SERPINB6: variants seen among roughly 807,000 people sequenced by gnomAD.
SERPINB6 encodes the protein serpin B6.
Under a neutral mutation model 26.1 loss-of-function variants are expected in SERPINB6, and 16 were observed. That is an observed-to-expected ratio of 0.61 (90% CI 0.42 to 0.93). The LOEUF is 0.93. Among genes scored for constraint, SERPINB6 ranks in the 40% least tolerant of loss-of-function variants. The pLI, the probability that SERPINB6 is intolerant of heterozygous loss-of-function variation, is 0.00. For missense variants in SERPINB6, 420 were observed against 478.0 expected (o/e 0.88, Z 1.13); for synonymous variants, 174 against 176.6 (o/e 0.99, Z 0.11).
At position 2,959,246 on chromosome 6, in the gene SERPINB6, G is replaced by T; in HGVS notation, c.87C>A (p.Phe29Leu). Residue 29 changes from phenylalanine to leucine, a missense_variant, in exon 2 of 7, where the codon TTC (phenylalanine) becomes TTA (leucine). By Grantham distance (22) the Phe-to-Leu change is conservative. Coordinates refer to ENST00000380539, the MANE Select transcript of SERPINB6 (RefSeq NM_004568.6). Reference protein sequence around the residue: ...LGKDNSKNVFFSPMSMSCALA... With the variant: ...LGKDNSKNVFLSPMSMSCALA... ...GGGCACAGGACATGCTCATGGGTGAGAAAAACACATTCTTCGAGTTGTCTT... is the reference window on the plus strand; with the variant it reads ...GGGCACAGGACATGCTCATGGGTGATAAAAACACATTCTTCGAGTTGTCTT... 1 of 1,614,168 alleles carries T rather than the reference G, an allele frequency of 6.2e-7. No individual in the cohort carries two copies. The highest frequency in any genetic ancestry group is 2.2e-5 in the East Asian group (1 of 44,888).
At chr6:2,955,342 C>G in intron 3 of SERPINB6, 182 bp downstream of exon 3, 1 of 682,394 alleles carries the variant, frequency 1.5e-6, no homozygotes, top group Non-Finnish European at 2.5e-6. Context: ...ACTTCAAAAG[C>G]GTGAAGTAGA....
intron 1 of SERPINB6, chr6:2,971,140 C>T: frequency 9.8e-7 from 1 of 1,025,214 alleles, no homozygotes; most frequent in Non-Finnish European, 1.2e-6. Context: ...GGCTCTGCGC[C>T]GCCCCCATCC....
chr6:2,948,742 T>C lies in SERPINB6; in HGVS notation c.730-43A>G. 6.3e-7 allele frequency: 1 copy of C among 1,598,342 alleles called. No individual in the cohort carries two copies. Among genetic ancestry groups the C allele is most frequent in the Non-Finnish European group, 8.6e-7 (1 of 1,166,114 alleles). On this transcript the variant is annotated intron_variant, in intron 6 of 6. Coordinates refer to ENST00000380539, the MANE Select transcript of SERPINB6 (RefSeq NM_004568.6). This position sits in a 1 kb window ranked among gnomAD's most constrained non-coding sequence, Gnocchi z 5.0. Reference sequence around the variant, plus strand: ...AAGACTTTAAGACCCAGGGTGCTGCTGCCCAGCAGGGCCCTGTGCTATGCT... The same window carrying C: ...AAGACTTTAAGACCCAGGGTGCTGCCGCCCAGCAGGGCCCTGTGCTATGCT...
chr6:2,953,866 T>TA (rs1053273642), intron 4 of SERPINB6, among the ~76,000 whole-genome samples: 3 of 151,542 alleles, frequency 2.0e-5, no homozygotes, highest in Non-Finnish European at 4.4e-5. Flanking sequence ...CTGTCTCTAC[T>TA]AAAAAATACA....
rs142051846 is a variant in SERPINB6 at position 2,963,067 on chromosome 6, A to G, written c.-10-3725T>C. Among the ~76,000 whole-genome samples the G allele has an allele frequency of 2.8e-3, 424 of 152,356 alleles. 3 individuals are homozygous for G. Among genetic ancestry groups the G allele is most frequent in the African/African-American group, 9.2e-3 (383 of 41,580 alleles). The stretch of plus-strand genomic sequence containing the variant: ...GGAGACAAAATGAGCACAGTTAGCA[A>G]ACAATTTGATGGTCTACCCAAAAAG... On this transcript the variant is annotated intron_variant, in intron 1 of 6. Transcript: ENST00000380539.
intron 4 of SERPINB6, 22 bp from the exon 5 acceptor site, chr6:2,953,208 C>A (rs773102062): frequency 3.7e-6 from 6 of 1,614,054 alleles, no homozygotes; most frequent in Non-Finnish European, 4.2e-6. Context: ...AATTCAAGAC[C>A]GCATTAGATA....
At chr6:2,955,802 C>T (rs574271638) in intron 2 of SERPINB6, 132 bp from the exon 3 acceptor site, 68 of 1,003,320 alleles carry the variant, frequency 6.8e-5, no homozygotes, top group African/African-American at 9.6e-5. Context: ...CGAGGCTGGG[C>T]GCAGCAGCTC....
Position 2,949,082 on chromosome 6 carries a change from C to T in SERPINB6, c.574-13G>A. The T allele has an allele frequency of 6.2e-7, 1 of 1,613,614 alleles. No homozygotes were observed. The highest frequency in any genetic ancestry group is 8.5e-7 in the Non-Finnish European group (1 of 1,179,896). ...GTTTCTCCTCATTCTACAAAGAAAA[C>T]AGATAAACATCAAGTTGAAACAAGA... is the stretch of plus-strand genomic sequence containing the variant. On this transcript the variant is annotated splice_polypyrimidine_tract_variant and intron_variant, in intron 5 of 6. Transcript: ENST00000380539.
chr6:2,959,264 G>A lies in SERPINB6; in HGVS notation c.69C>T (p.Asn23=), dbSNP rs148849865. The change falls in exon 2 of 7, where the codon AAC becomes AAT. Residue 23 remains asparagine, a synonymous_variant. Coordinates refer to ENST00000380539, the MANE Select transcript of SERPINB6 (RefSeq NM_004568.6). ...LNLLKTLGKD[N]SKNVFFSPMS... is the part of the protein sequence containing the mutation. ...TGGGTGAGAAAAACACATTCTTCGA[G>A]TTGTCTTTACCCAGCGTTTTCAAAA... 248 of 1,614,084 alleles carry A rather than the reference G, an allele frequency of 1.5e-4. No homozygotes were observed. Among genetic ancestry groups the A allele is most frequent in the Admixed American group, 5.0e-4 (30 of 59,996 alleles).
rs1219091575 is a variant in SERPINB6, at chr6:2,953,026, T to G, written c.573+18A>C. 6.2e-7 allele frequency: 1 copy of G among 1,614,114 alleles called. No individual in the cohort carries two copies. The highest frequency in any genetic ancestry group is 8.5e-7 in the Non-Finnish European group (1 of 1,180,034). On this transcript the variant is annotated intron_variant, in intron 5 of 6. Coordinates refer to ENST00000380539, the MANE Select transcript of SERPINB6 (RefSeq NM_004568.6). ...CGTGTGAACACAGGCGCTGCTCCTG[T>G]CACGGCCCCTTACTCGCCTTGCTGA...
At chr6:2,971,216 A>T in intron 1 of SERPINB6, 1 of 978,752 alleles carries the variant, frequency 1.0e-6, no homozygotes, top group Non-Finnish European at 1.2e-6. Context: ...CCGCGGCGTC[A>T]CCGGCCGGGC....
At chr6:2,959,763 A>G (rs529513713) in intron 1 of SERPINB6, 2 of 232,048 alleles carry the variant, frequency 8.6e-6, no homozygotes, top group South Asian at 1.1e-4. Context: ...ACATTCACTG[A>G]CAGTTACACA....
chr6:2,952,563 T>C (rs527759494), intron 5 of SERPINB6, among the ~76,000 whole-genome samples: 2 of 152,358 alleles, frequency 1.3e-5, no homozygotes, highest in South Asian at 4.1e-4. Context: ...AAGAGAGGAC[T>C]GAATATCACT....
chr6:2,966,289 G>A, intron 1 of SERPINB6: 1 of 895,452 alleles, frequency 1.1e-6, no homozygotes, highest in Non-Finnish European at 1.3e-6. Context: ...AATGAGCTTG[G>A]GCTTTTTACA....
chr6:2,968,513 A>T, intron 1 of SERPINB6: 1 of 1,114,168 alleles, frequency 9.0e-7, no homozygotes, highest in Non-Finnish European at 1.1e-6. Context: ...TTCTGACCTT[A>T]TTCCCTCATT....
intron 1 of SERPINB6, chr6:2,960,791 T>C (rs1278317973): frequency 2.0e-5 from 3 of 152,338 alleles, no homozygotes; most frequent in Non-Finnish European, 4.4e-5. Context: ...GAATGCCCCT[T>C]ACATGGCAAA....
At chr6:2,949,119 C>T (rs756423207) in intron 5 of SERPINB6, 50 bp from the exon 6 acceptor site, 35 of 1,599,724 alleles carry the variant, frequency 2.2e-5, no homozygotes, top group Non-Finnish European at 2.8e-5. Flanking sequence ...CCCACTGACA[C>T]ATGGGACAAA....
At position 2,967,061 on chromosome 6, in the gene SERPINB6, C is replaced by G. The variant is rs1771708897; in HGVS notation, c.-11+4472G>C. ...GACTGATATCATCTGGGACTTCTCA[C>G]CTTTCTCCAGGCTGTGACACACACA... is the stretch of plus-strand genomic sequence containing the variant. On this transcript the variant is annotated intron_variant, in intron 1 of 6. Coordinates refer to ENST00000380539, the MANE Select transcript of SERPINB6 (RefSeq NM_004568.6). This position sits in a 1 kb window ranked among gnomAD's most constrained non-coding sequence, Gnocchi z 4.3. The G allele has an allele frequency of 4.1e-6, 4 of 985,380 alleles. No homozygotes were observed. In the South Asian group the frequency reaches 1.9e-4, roughly 46 times the overall value. The allele number at this position is 985,380 out of a possible 1,614,324, so 61.0% of individuals were successfully genotyped here.
At chr6:2,959,477 T>C in intron 1 of SERPINB6, 135 bp from the exon 2 acceptor site, 1 of 844,690 alleles carries the variant, frequency 1.2e-6, no homozygotes, top group Non-Finnish European at 2.0e-6. Context: ...TCTGGCTGTT[T>C]CTTTTTAGGA....
Sources: gnomAD v4.1 joint callset for allele counts (sites outside exome capture counted in the v4.1 genomes callset) on GRCh38, gnomAD v4.1.1 for gene constraint, Gnocchi (gnomAD v3.1) non-coding constraint, MANE v1.5 for transcripts, NCBI Gene and HGNC (gene_info 2026-07-23, HGNC 2026-07-21) for gene names.